The following CTDSPL2 variants were observed in gnomAD, a reference collection of about 807,000 sequenced individuals.
CTDSPL2 encodes CTD small phosphatase-like protein 2.
In CTDSPL2, 5 loss-of-function variants were observed where a neutral mutation model predicts 60.0. That is an observed-to-expected ratio of 0.08 (90% CI 0.04 to 0.18). CTDSPL2 has a LOEUF of 0.18. Ranked by LOEUF, CTDSPL2 falls within the 10% of genes least tolerant of loss-of-function variation. The probability of loss-of-function intolerance (pLI) is 1.00; values close to 1 mark genes in which losing one functional copy is unlikely to be tolerated. For missense variants in CTDSPL2, 370 were observed against 548.8 expected (o/e 0.67, Z 3.26); for synonymous variants, 186 against 189.3 (o/e 0.98, Z 0.14).
chr15:44,494,922 A>C (rs958344856), intron 5 of CTDSPL2, among the ~76,000 whole-genome samples: 1 of 152,044 alleles, frequency 6.6e-6, no homozygotes, highest in Non-Finnish European at 1.5e-5. Flanking sequence ...CCTCAACACA[A>C]ACAAACAAAG....
At chr15:44,441,347 T>C (rs2080081145) in intron 1 of CTDSPL2, among the ~76,000 whole-genome samples, 1 of 152,166 alleles carries the variant, frequency 6.6e-6, no homozygotes, top group South Asian at 2.1e-4. Context: ...GGCTTCGTAT[T>C]TTTCCCATTG....
At chr15:44,492,197 A>G (rs1342305837) in intron 5 of CTDSPL2, among the ~76,000 whole-genome samples, 1 of 151,970 alleles carries the variant, frequency 6.6e-6, no homozygotes, top group Admixed American at 6.6e-5. Context: ...TTAGCCGGGG[A>G]TGGTGGCATG....
At chr15:44,491,476 A>G (rs2081213109) in intron 5 of CTDSPL2, among the ~76,000 whole-genome samples, 1 of 152,154 alleles carries the variant, frequency 6.6e-6, no homozygotes, top group Admixed American at 6.6e-5. Context: ...ATAAAGGCCA[A>G]ACATAATTAT....
intron 5 of CTDSPL2, 150 bp downstream of exon 5, chr15:44,491,149 C>G: frequency 1.6e-6 from 1 of 638,828 alleles, no homozygotes; most frequent in African/African-American, 1.8e-5. Context: ...AAAGCTTTGT[C>G]CCAAAAATCC....
chr15:44,495,932 CA>C (rs796221579), intron 5 of CTDSPL2, among the ~76,000 whole-genome samples: 5 of 144,100 alleles, frequency 3.5e-5, no homozygotes, highest in African/African-American at 7.6e-5. Context: ...GACTCCATCT[CA>C]AAAAAAAAAC....
intron 1 of CTDSPL2, among the ~76,000 whole-genome samples, chr15:44,434,587 G>A (rs2079935080): frequency 6.6e-6 from 1 of 152,100 alleles, no homozygotes; most frequent in Non-Finnish European, 1.5e-5. Context: ...ATAAAGGCAG[G>A]GTCTCACTGT....
At chr15:44,436,096 T>C (rs1276001448) in intron 1 of CTDSPL2, among the ~76,000 whole-genome samples, 1 of 152,178 alleles carries the variant, frequency 6.6e-6, no homozygotes, top group East Asian at 1.9e-4. Context: ...TTCAGATTAG[T>C]CAGGCTAGAA....
At chr15:44,481,658 C>T (rs895353168) in intron 2 of CTDSPL2, among the ~76,000 whole-genome samples, 6 of 152,188 alleles carry the variant, frequency 3.9e-5, no homozygotes. Flanking sequence ...ACCACAACCT[C>T]CACCTCCCGG....
chr15:44,497,612 C>T lies in CTDSPL2; in HGVS notation c.882+474C>T, dbSNP rs1446211462. ...GTCTCGACCTCCTGACCTCATGATC[C>T]GCCCGCCTCGGCCTCCCAAAGTGTT... On this transcript the variant is annotated intron_variant, in intron 7 of 12. Coordinates refer to ENST00000260327, the MANE Select transcript of CTDSPL2 (RefSeq NM_016396.3). Among the ~76,000 whole-genome samples, 4 of 152,210 alleles carry T rather than the reference C, an allele frequency of 2.6e-5. No individual in the cohort carries two copies. In the East Asian group the frequency reaches 5.8e-4, roughly 22 times the overall value.
rs967596688 is a variant in CTDSPL2, at chr15:44,524,308, A to G, written c.*134A>G. ...TTGCTTTTCTTATCTTTGGTGCCCA[A>G]TAATAATTAAGGGTTACAGAAAGAG... On this transcript the variant is annotated 3_prime_UTR_variant, in exon 13 of 13. Coordinates refer to ENST00000260327, the MANE Select transcript of CTDSPL2 (RefSeq NM_016396.3). 1.3e-5 allele frequency: 9 copies of G among 683,300 alleles called. No homozygotes were observed. Among genetic ancestry groups the G allele is most frequent in the Admixed American group, 4.6e-5 (2 of 43,216 alleles). 42.3% of individuals were successfully genotyped at this position (683,300 alleles called of 1,614,324 possible). A position where few individuals can be genotyped will look rare whatever the true frequency, so the allele number is the denominator to read the frequency against.
intron 8 of CTDSPL2, among the ~76,000 whole-genome samples, chr15:44,508,201 G>T (rs2081504869): frequency 6.6e-6 from 1 of 151,686 alleles, no homozygotes; most frequent in Admixed American, 6.6e-5. Flanking sequence ...TCCTGCCTCA[G>T]CCCCCTGAGT....
chr15:44,448,504 T>C (rs1239693132), intron 1 of CTDSPL2: 2 of 257,488 alleles, frequency 7.8e-6, no homozygotes, highest in Non-Finnish European at 1.5e-5. Context: ...TGCCTCCACC[T>C]TCACTTCCTC....
chr15:44,444,338 C>G (rs539671398), intron 1 of CTDSPL2, among the ~76,000 whole-genome samples: 29 of 148,778 alleles, frequency 1.9e-4, no homozygotes, highest in African/African-American at 5.9e-4. Context: ...CACACACACA[C>G]ACAGACACAG....
At chr15:44,521,885 C>G (rs2140874376) in intron 12 of CTDSPL2, among the ~76,000 whole-genome samples, 1 of 134,226 alleles carries the variant, frequency 7.5e-6, no homozygotes, top group Admixed American at 8.9e-5. Context: ...TTGCAGTGAG[C>G]CGAGATCGCG....
intron 1 of CTDSPL2, among the ~76,000 whole-genome samples, chr15:44,438,866 G>C (rs925234546): frequency 6.6e-6 from 1 of 152,140 alleles, no homozygotes; most frequent in African/African-American, 2.4e-5. Flanking sequence ...AAGTAGAAAG[G>C]AAATTTTATT....
chr15:44,474,318 C>G lies in CTDSPL2; in HGVS notation c.187-9906C>G, dbSNP rs1349102104. ...CCAGCTTGGGCAACATGGTGAAACC[C>G]TATCTCTAATAAAGTACAAGAAATT... On this transcript the variant is annotated intron_variant, in intron 2 of 12. Coordinates refer to ENST00000260327, the MANE Select transcript of CTDSPL2 (RefSeq NM_016396.3). Among the ~76,000 whole-genome samples the G allele has an allele frequency of 7.9e-5, 12 of 152,046 alleles. 1 individual carries two copies. Among genetic ancestry groups the G allele is most frequent in the Non-Finnish European group, 1.5e-5 (1 of 68,022 alleles).
intron 1 of CTDSPL2, among the ~76,000 whole-genome samples, chr15:44,454,370 G>T (rs2080391960): frequency 6.6e-6 from 1 of 152,082 alleles, no homozygotes; most frequent in Admixed American, 6.5e-5. Context: ...CTCCCATTCT[G>T]TAGGTTGCCT....
chr15:44,491,428 C>T (rs1471549359), intron 5 of CTDSPL2, among the ~76,000 whole-genome samples: 2 of 152,136 alleles, frequency 1.3e-5, no homozygotes, highest in African/African-American at 2.4e-5. Context: ...TCCTAGATCT[C>T]CCTATATACC....
At chr15:44,506,943 A>AT (rs2081478324) in intron 8 of CTDSPL2, among the ~76,000 whole-genome samples, 1 of 148,336 alleles carries the variant, frequency 6.7e-6, no homozygotes, top group Non-Finnish European at 1.5e-5. Context: ...ATTTTTTTGT[A>AT]TTTTTAGTAG....
Sources: gnomAD v4.1 joint callset for allele counts (sites outside exome capture counted in the v4.1 genomes callset) on GRCh38, gnomAD v4.1.1 for gene constraint, MANE v1.5 for transcripts, NCBI Gene and HGNC (gene_info 2026-07-23, HGNC 2026-07-21) for gene names.